The following CHST1 variants were observed in gnomAD, a reference collection of about 807,000 sequenced individuals.
The protein encoded by CHST1 is carbohydrate sulfotransferase 1.
Under a neutral mutation model 22.5 loss-of-function variants are expected in CHST1, and 10 were observed. The observed-to-expected ratio is 0.44, with a 90% CI of 0.27 to 0.75. The LOEUF (loss-of-function observed/expected upper bound fraction) is 0.75, where lower values mean the gene tolerates loss of function less well. Ranked by LOEUF, CHST1 falls within the 30% of genes least tolerant of loss-of-function variation. The pLI, the probability that CHST1 is intolerant of heterozygous loss-of-function variation, is 0.15. For missense variants in CHST1, 439 were observed against 576.1 expected, an observed-to-expected ratio of 0.76 and a Z score of 2.44; for synonymous variants, 267 against 264.5, an observed-to-expected ratio of 1.01 and a Z score of -0.09.
intron 1 of CHST1, among the ~76,000 whole-genome samples, chr11:45,658,672 T>A (rs1035010134): frequency 6.6e-6 from 1 of 152,114 alleles, no homozygotes; most frequent in South Asian, 2.1e-4. Context: ...CCAGCTCCTC[T>A]GGGGGAGGGA....
Position 45,649,606 on chromosome 11 carries a change from G to C in CHST1, c.*82C>G. On this transcript the variant is annotated 3_prime_UTR_variant, in exon 4 of 4. Coordinates refer to ENST00000308064, the MANE Select transcript of CHST1 (RefSeq NM_003654.6). ...CGAAGATGAGGTGGGAGAGGGAGGG[G>C]TTAATAAGGCAACAGTTAAAAACGG... The C allele has an allele frequency of 7.2e-7, 1 of 1,384,758 alleles. No individual in the cohort carries two copies. Among genetic ancestry groups the C allele is most frequent in the Non-Finnish European group, 9.7e-7 (1 of 1,028,748 alleles). The allele number at this position is 1,384,758 out of a possible 1,614,324, so 85.8% of individuals were successfully genotyped here. A position where few individuals can be genotyped will look rare whatever the true frequency, so the allele number is the denominator to read the frequency against.
Position 45,650,331 on chromosome 11 carries a change from C to T in CHST1, c.593G>A (p.Arg198His), listed in dbSNP as rs780753667. The change falls in exon 4 of 4, where the codon CGC becomes CAC. Residue 198 changes from arginine to histidine, a missense_variant. Coordinates refer to ENST00000308064, the MANE Select transcript of CHST1 (RefSeq NM_003654.6). ...LNLTVAAEAC[R>H]ERSHVAIKTV... The stretch of plus-strand genomic sequence containing the variant: ...CTTGATGGCCACGTGGCTGCGCTCG[C>T]GGCACGCCTCGGCCGCCACGGTCAG... The T allele has an allele frequency of 1.2e-6, 2 of 1,603,442 alleles. No individual in the cohort carries two copies. The highest frequency in any genetic ancestry group is 1.1e-5 in the South Asian group (1 of 91,024).
At chr11:45,658,941 C>T (rs1852096474) in intron 1 of CHST1, among the ~76,000 whole-genome samples, 1 of 152,210 alleles carries the variant, frequency 6.6e-6, no homozygotes, top group African/African-American at 2.4e-5. Context: ...GCCGGCCAGG[C>T]TGGGAGAGGG....
intron 1 of CHST1, among the ~76,000 whole-genome samples, chr11:45,654,150 G>GA (rs1471855438): frequency 6.6e-6 from 1 of 152,178 alleles, no homozygotes; most frequent in East Asian, 1.9e-4. Context: ...TTTATTTAAA[G>GA]AGAAACATCT....
Position 45,650,783 on chromosome 11 carries a change from G to A in CHST1, c.141C>T (p.Cys47=), listed in dbSNP as rs1241983774. The change falls in exon 4 of 4, where the codon TGC becomes TGT. Residue 47 remains cysteine (C), a synonymous_variant. Coordinates refer to ENST00000308064, the MANE Select transcript of CHST1 (RefSeq NM_003654.6). ...TGTAGGCGAAGGTGGGGCTCTCCTC[G>A]CACAGTCGCTCGGCCAGCCCGGCCT... ...LAEAGLAERL[C]EESPTFAYNL... is the part of the protein sequence containing the mutation. 2.5e-6 allele frequency: 4 copies of A among 1,613,710 alleles called. No individual in the cohort carries two copies. The South Asian group carries it at 3.3e-5, about 13-fold the overall frequency.
chr11:45,650,365 G>A lies in CHST1; in HGVS notation c.559C>T (p.Leu187=), dbSNP rs200869113. ...TCGGCCGCCACGGTCAGGTTGAGTA[G>A]CCCGCACTTGCGCACACAGTCCCCC... The part of the protein sequence containing the change: ...EEGDCVRKCG[L]LNLTVAAEAC... Residue 187 remains leucine, a synonymous_variant, in exon 4 of 4, where the codon CTA becomes TTA. Transcript: ENST00000308064. 1 of 1,603,400 alleles carries A rather than the reference G, an allele frequency of 6.2e-7. No individual in the cohort carries two copies. Among genetic ancestry groups the A allele is most frequent in the Non-Finnish European group, 8.5e-7 (1 of 1,179,752 alleles).
At chr11:45,663,127 T>A (rs923077066) in intron 1 of CHST1, among the ~76,000 whole-genome samples, 9 of 150,924 alleles carry the variant, frequency 6.0e-5, no homozygotes, top group Non-Finnish European at 1.2e-4. Flanking sequence ...CAGAGTGGAG[T>A]TGGGAAAGTA....
intron 1 of CHST1, among the ~76,000 whole-genome samples, chr11:45,663,984 G>T (rs1463473418): frequency 3.9e-5 from 6 of 152,176 alleles, no homozygotes; most frequent in Non-Finnish European, 8.8e-5. Flanking sequence ...GAGGACAGGA[G>T]CCTGGGAACT....
chr11:45,656,322 C>T (rs965978876), intron 1 of CHST1, among the ~76,000 whole-genome samples: 9 of 152,168 alleles, frequency 5.9e-5, no homozygotes, highest in African/African-American at 2.2e-4. Flanking sequence ...TCTTTCCAAC[C>T]GACTATATCA....
At chr11:45,662,082 C>G (rs1403327421) in intron 1 of CHST1, among the ~76,000 whole-genome samples, 2 of 152,180 alleles carry the variant, frequency 1.3e-5, no homozygotes, top group Non-Finnish European at 2.9e-5. Flanking sequence ...GGATCTGTTA[C>G]CTTTCTGAAG....
chr11:45,658,752 T>G (rs930839818), intron 1 of CHST1, among the ~76,000 whole-genome samples: 18 of 151,926 alleles, frequency 1.2e-4, no homozygotes, highest in Non-Finnish European at 2.6e-4. Flanking sequence ...TAGGCGGGAC[T>G]CTACAGCCCC....
intron 1 of CHST1, among the ~76,000 whole-genome samples, chr11:45,654,317 C>T (rs1246741036): frequency 1.3e-5 from 2 of 152,238 alleles, no homozygotes; most frequent in Admixed American, 1.3e-4. Flanking sequence ...CAGCGAGACT[C>T]GGCCTCACAA....
rs1319359140 is a variant in CHST1, at chr11:45,649,829, G to A, written c.1095C>T (p.Ser365=). The change falls in exon 4 of 4, where the codon TCC becomes TCT. Residue 365 remains serine, a synonymous_variant. Transcript: ENST00000308064. The stretch of plus-strand genomic sequence containing the variant: ...TCTGGGCAAAGGCCACGATGTCGTA[G>A]GAGAGGCGGAAGCGCCACTTCTCGG... ...ATAEKWRFRL[S]YDIVAFAQNA... 1.2e-5 allele frequency: 20 copies of A among 1,611,476 alleles called. No homozygotes were observed. Among genetic ancestry groups the A allele is most frequent in the Non-Finnish European group, 1.4e-5 (17 of 1,179,974 alleles).
Position 45,650,463 on chromosome 11 carries a change from C to A in CHST1, c.461G>T (p.Arg154Leu). 6.2e-7 allele frequency: 1 copy of A among 1,612,590 alleles called. No individual in the cohort carries two copies. The highest frequency in any genetic ancestry group is 8.5e-7 in the Non-Finnish European group (1 of 1,179,900). Residue 154 changes from arginine (R) to leucine (L), a missense_variant, in exon 4 of 4, where the codon CGC becomes CTC. By Grantham distance (102) the Arg-to-Leu change is moderately radical. Transcript: ENST00000308064. ...VNHTTDRIFR[R>L]GASRVLCSRP... Reference sequence around the variant, plus strand: ...GGAGCAGAGGACCCGGCTGGCCCCGCGGCGGAAGATCCTGTCGGTGGTGTG... The same window carrying A: ...GGAGCAGAGGACCCGGCTGGCCCCGAGGCGGAAGATCCTGTCGGTGGTGTG...
intron 1 of CHST1, among the ~76,000 whole-genome samples, chr11:45,661,726 T>C (rs1852135948): frequency 6.6e-6 from 1 of 152,170 alleles, no homozygotes; most frequent in African/African-American, 2.4e-5. Context: ...ATGGGATGTC[T>C]TTAAGGAGCC....
intron 1 of CHST1, among the ~76,000 whole-genome samples, chr11:45,664,619 T>G (rs1852173860): frequency 6.6e-6 from 1 of 151,976 alleles, no homozygotes; most frequent in African/African-American, 2.4e-5. Flanking sequence ...AGCGGGAGGG[T>G]TGTTCCGGCT....
At chr11:45,658,952 G>A (rs1050835396) in intron 1 of CHST1, among the ~76,000 whole-genome samples, 1 of 152,218 alleles carries the variant, frequency 6.6e-6, no homozygotes, top group African/African-American at 2.4e-5. Flanking sequence ...TGGGAGAGGG[G>A]CCCGCCTGTC....
Position 45,652,625 on chromosome 11 carries a change from G to T in CHST1, c.-226-19C>A, listed in dbSNP as rs895262955. 2.6e-5 allele frequency: 4 copies of T among 152,218 alleles called. No individual in the cohort carries two copies. The highest frequency in any genetic ancestry group is 9.7e-5 in the African/African-American group (4 of 41,428). 9.4% of individuals were successfully genotyped at this position (152,218 alleles called of 1,614,324 possible). A position where few individuals can be genotyped will look rare whatever the true frequency, so the allele number is the denominator to read the frequency against. On this transcript the variant is annotated intron_variant, in intron 1 of 3. Coordinates refer to ENST00000308064, the MANE Select transcript of CHST1 (RefSeq NM_003654.6). ...CAGCTACCTGAAACTCAAAGCGAAA[G>T]TGGACCAGGGAGCATTCCTGACCTC...
chr11:45,650,427 C>T lies in CHST1; in HGVS notation c.497G>A (p.Cys166Tyr). 1 of 1,609,120 alleles carries T rather than the reference C, an allele frequency of 6.2e-7. No individual in the cohort carries two copies. The highest frequency in any genetic ancestry group is 8.5e-7 in the Non-Finnish European group (1 of 1,179,794). Residue 166 changes from cysteine (C) to tyrosine (Y), a missense_variant, in exon 4 of 4, where the codon TGC (cysteine) becomes TAC (tyrosine). Coordinates refer to ENST00000308064, the MANE Select transcript of CHST1 (RefSeq NM_003654.6). ...ASRVLCSRPV[C>Y]DPPGPADLVL... ...CAGGTCGGCTGGCCCCGGAGGGTCG[C>T]ACACAGGCCGGGAGCAGAGGACCCG...
Sources: allele counts gnomAD v4.1 joint callset (sites outside exome capture counted in the v4.1 genomes callset), GRCh38; gene constraint gnomAD v4.1.1; transcripts MANE v1.5; gene names NCBI Gene and HGNC (gene_info 2026-07-23, HGNC 2026-07-21).